Variants in FAM227B observed in about 807,000 individuals in gnomAD.
The protein encoded by FAM227B is protein FAM227B.
In FAM227B, 88 loss-of-function variants were observed where a neutral mutation model predicts 73.8. The ratio of observed to expected loss-of-function variants is 1.19; its 90% CI spans 1.00 to 1.42. The LOEUF (loss-of-function observed/expected upper bound fraction) is 1.42, where lower values mean the gene tolerates loss of function less well. Among genes scored for constraint, FAM227B ranks in the 40% most tolerant of loss-of-function variants. The pLI is 0.00. For synonymous variants in FAM227B, 210 were observed against 190.5 expected (o/e 1.10, Z -0.84); for missense variants, 632 against 590.9 (o/e 1.07, Z -0.72).
chr15:49,466,787 C>A (rs938069610), intron 11 of FAM227B, among the ~76,000 whole-genome samples: 1 of 152,026 alleles, frequency 6.6e-6, no homozygotes, highest in African/African-American at 2.4e-5. Context: ...GGGTCTTTAA[C>A]CCTTTTTAAA....
chr15:49,561,177 G>C (rs754396799), intron 9 of FAM227B, among the ~76,000 whole-genome samples: 1 of 152,072 alleles, frequency 6.6e-6, no homozygotes, highest in African/African-American at 2.4e-5. Flanking sequence ...GTTGGAGAAA[G>C]ATCTACCATG....
intron 11 of FAM227B, among the ~76,000 whole-genome samples, chr15:49,444,879 C>CT (rs1459125248): frequency 4.0e-5 from 6 of 151,604 alleles, no homozygotes; most frequent in Non-Finnish European, 8.9e-5. Context: ...TTTAGCCTCT[C>CT]TTTTTTTGTT....
At position 49,367,526 on chromosome 15, in the gene FAM227B, A is replaced by T. The variant is rs1221260264; in HGVS notation, c.1193T>A (p.Leu398His). Residue 398 changes from leucine to histidine, a missense_variant, in exon 13 of 16, where the codon CTT (leucine) becomes CAT (histidine). By Grantham distance (99) the Leu-to-His change is moderately conservative. Transcript: ENST00000299338. ...AATACCAGCCAGCTCATGCATCTTA[A>T]GATAATATAAAATCAATGGACTCTG... ...GGQSPLILYYLKMHELAGISK... is the reference protein window; with the variant it reads ...GGQSPLILYYHKMHELAGISK... 6.2e-7 allele frequency: 1 copy of T among 1,606,960 alleles called. No individual in the cohort carries two copies. Among genetic ancestry groups the T allele is most frequent in the Non-Finnish European group, 8.5e-7 (1 of 1,178,428 alleles).
chr15:49,354,340 T>C (rs2042720501), intron 13 of FAM227B, among the ~76,000 whole-genome samples: 1 of 152,186 alleles, frequency 6.6e-6, no homozygotes, highest in Non-Finnish European at 1.5e-5. Context: ...GGTACCGGGT[T>C]CATCTCACTA....
intron 11 of FAM227B, among the ~76,000 whole-genome samples, chr15:49,462,763 T>G (rs536848624): frequency 1.8e-4 from 27 of 152,282 alleles, no homozygotes; most frequent in African/African-American, 6.5e-4. Context: ...ATATGATATA[T>G]CAGATTATGA....
chr15:49,592,970 G>A (rs975117196), intron 3 of FAM227B, among the ~76,000 whole-genome samples: 28 of 152,202 alleles, frequency 1.8e-4, no homozygotes, highest in African/African-American at 6.0e-4. Context: ...GCAAAGTTCC[G>A]TGGGCGTGGG....
At chr15:49,338,437 A>G (rs1353127119) in intron 13 of FAM227B, among the ~76,000 whole-genome samples, 4 of 152,178 alleles carry the variant, frequency 2.6e-5, no homozygotes, top group Non-Finnish European at 5.9e-5. Context: ...TTTCTTTAAG[A>G]ATGTTGAATA....
intron 9 of FAM227B, 68 bp from the exon 10 acceptor site, chr15:49,541,874 G>A (rs2071122240): frequency 8.7e-7 from 1 of 1,144,016 alleles, no homozygotes. Flanking sequence ...AGCTGCCAAA[G>A]AAATTATTAT....
At chr15:49,389,198 T>A (rs1447495323) in intron 11 of FAM227B, among the ~76,000 whole-genome samples, 1 of 152,014 alleles carries the variant, frequency 6.6e-6, no homozygotes. Context: ...CATGTATGTT[T>A]ATAGCAGCAC....
chr15:49,489,907 G>C (rs1369005498), intron 11 of FAM227B, among the ~76,000 whole-genome samples: 24 of 27,180 alleles, frequency 8.8e-4, no homozygotes, highest in Admixed American at 1.7e-3. Context: ...GAGAGAGAGA[G>C]AGAGAGACAG....
At chr15:49,527,374 T>C (rs1444453314) in intron 10 of FAM227B, among the ~76,000 whole-genome samples, 1 of 151,542 alleles carries the variant, frequency 6.6e-6, no homozygotes, top group Admixed American at 6.6e-5. Context: ...CTCAAAATAG[T>C]AAGAACCATC....
rs1428749789 is a variant in FAM227B at position 49,428,676 on chromosome 15, G to A, written c.1013-57277C>T. Among the ~76,000 whole-genome samples the A allele has an allele frequency of 3.3e-5, 5 of 151,960 alleles. No individual in the cohort carries two copies. In the East Asian group the frequency reaches 9.7e-4, roughly 29 times the overall value. ...TGGAAGACAGAATCCAATCCCTCAG[G>A]ATAATTTTCATGCTTTTGGTATCCA... On this transcript the variant is annotated intron_variant, in intron 11 of 15. Coordinates refer to ENST00000299338, the MANE Select transcript of FAM227B (RefSeq NM_152647.3).
At chr15:49,508,623 T>A (rs1008054221) in intron 10 of FAM227B, among the ~76,000 whole-genome samples, 2 of 151,980 alleles carry the variant, frequency 1.3e-5, no homozygotes, top group Admixed American at 6.6e-5. Context: ...TGAACTAATA[T>A]TATTATTAAT....
At chr15:49,344,795 T>A (rs1224678757) in intron 13 of FAM227B, among the ~76,000 whole-genome samples, 1 of 152,162 alleles carries the variant, frequency 6.6e-6, no homozygotes, top group Non-Finnish European at 1.5e-5. Flanking sequence ...GGTTCAGCAA[T>A]CTTCCTGAAA....
intron 13 of FAM227B, among the ~76,000 whole-genome samples, chr15:49,335,754 A>T (rs2039595233): frequency 6.6e-6 from 1 of 152,236 alleles, no homozygotes; most frequent in African/African-American, 2.4e-5. Context: ...TAAATCCTGT[A>T]ATTACCTTTT....
chr15:49,539,368 AG>A (rs1360472931), intron 10 of FAM227B, among the ~76,000 whole-genome samples: 1 of 152,174 alleles, frequency 6.6e-6, no homozygotes, highest in African/African-American at 2.4e-5. Context: ...TAAAAATGCC[AG>A]GTTCAGTTTG....
At chr15:49,596,650 A>C (rs545398366) in intron 3 of FAM227B, among the ~76,000 whole-genome samples, 1 of 152,020 alleles carries the variant, frequency 6.6e-6, no homozygotes, top group Non-Finnish European at 1.5e-5. Flanking sequence ...TAAATGGCCT[A>C]AATGCTCCAC....
intron 11 of FAM227B, chr15:49,422,486 C>T: frequency 8.0e-7 from 1 of 1,252,640 alleles, no homozygotes; most frequent in Non-Finnish European, 1.0e-6. Context: ...ACCATTTCCT[C>T]CTTTTTAAAG....
At chr15:49,479,610 T>G (rs1207093964) in intron 11 of FAM227B, among the ~76,000 whole-genome samples, 2 of 133,878 alleles carry the variant, frequency 1.5e-5, no homozygotes, top group Non-Finnish European at 3.2e-5. Context: ...TTTTTTTTTT[T>G]TTTTTTTTTT....
Sources: gnomAD v4.1 joint callset for allele counts (sites outside exome capture counted in the v4.1 genomes callset) on GRCh38, gnomAD v4.1.1 for gene constraint, MANE v1.5 for transcripts, NCBI Gene and HGNC (gene_info 2026-07-23, HGNC 2026-07-21) for gene names.